The following NUP205 variants were observed in gnomAD, a reference collection of about 807,000 sequenced individuals.
NUP205 encodes nucleoporin 205.
Under a neutral mutation model 253.8 loss-of-function variants are expected in NUP205, and 76 were observed. The observed-to-expected ratio is 0.30, with a 90% CI of 0.25 to 0.36. NUP205 has a LOEUF of 0.36. Ranked by LOEUF, NUP205 falls within the 10% of genes least tolerant of loss-of-function variation. The pLI, the probability that NUP205 is intolerant of heterozygous loss-of-function variation, is 1.00. For missense variants in NUP205, 2,162 were observed against 2,425.5 expected (o/e 0.89, Z 2.28); for synonymous variants, 832 against 850.1 (o/e 0.98, Z 0.37).
intron 13 of NUP205, among the ~76,000 whole-genome samples, chr7:135,595,225 G>GTT (rs894929669): frequency 7.0e-6 from 1 of 142,968 alleles, no homozygotes; most frequent in Admixed American, 7.0e-5. Context: ...ACTGATTTTT[G>GTT]TTTTTTTTTT....
At chr7:135,614,379 T>C (rs1799941274) in intron 23 of NUP205, 106 bp downstream of exon 23, 1 of 642,498 alleles carries the variant, frequency 1.6e-6, no homozygotes, top group Non-Finnish European at 2.7e-6. Context: ...TCTGATACTT[T>C]GGCTTCTTTG....
rs184136114 is a variant in NUP205 at position 135,584,720 on chromosome 7, T to C, written c.1043-112T>C. 198 of 924,126 alleles carry C rather than the reference T, an allele frequency of 2.1e-4. No homozygotes were observed. The African/African-American group carries it at 3.0e-3, about 14-fold the overall frequency. 57.2% of individuals were successfully genotyped at this position (924,126 alleles called of 1,614,324 possible). A position where few individuals can be genotyped will look rare whatever the true frequency, so the allele number is the denominator to read the frequency against. ...ATAGTCTCATTTTGTGCATAGCACA[T>C]GCTAGAAGGCTGGGAAGATGTCTGA... On this transcript the variant is annotated intron_variant, in intron 7 of 42. Transcript: ENST00000285968.
intron 18 of NUP205, among the ~76,000 whole-genome samples, chr7:135,603,392 C>T (rs536194331): frequency 6.6e-6 from 1 of 151,114 alleles, no homozygotes; most frequent in East Asian, 2.0e-4. Flanking sequence ...GGATTATAGG[C>T]GTGAACCACC....
chr7:135,596,020 C>T (rs958259055), intron 13 of NUP205, among the ~76,000 whole-genome samples: 7 of 151,964 alleles, frequency 4.6e-5, no homozygotes, highest in Non-Finnish European at 8.8e-5. Flanking sequence ...CTGCAACCTC[C>T]ACCTCCTGGG....
At chr7:135,639,693 A>C (rs1794882624) in intron 38 of NUP205, among the ~76,000 whole-genome samples, 1 of 150,664 alleles carries the variant, frequency 6.6e-6, no homozygotes, top group Non-Finnish European at 1.5e-5. Context: ...TTTGTCTCAA[A>C]AAAAAAAAAA....
intron 1 of NUP205, among the ~76,000 whole-genome samples, chr7:135,562,446 C>T (rs144402009): frequency 8.0e-4 from 122 of 152,138 alleles, no homozygotes; most frequent in African/African-American, 2.9e-3. Context: ...GATTCACCTG[C>T]CTCGGCCTCC....
In NUP205 at chr7:135,587,872, A is replaced by G; in HGVS notation, c.1353A>G (p.Lys451=). 1 of 1,613,188 alleles carries G rather than the reference A, an allele frequency of 6.2e-7. No homozygotes were observed. Among genetic ancestry groups the G allele is most frequent in the Non-Finnish European group, 8.5e-7 (1 of 1,179,602 alleles). ...HLMLLIGELY[K]KNPFHLELAL... ...CTTTGCAGATTGGCGAGCTATATAAAAAGAACCCTTTTCATCTGGAGCTTG... is the reference window on the plus strand; with the variant it reads ...CTTTGCAGATTGGCGAGCTATATAAGAAGAACCCTTTTCATCTGGAGCTTG... The change falls in exon 10 of 43, where the codon AAA becomes AAG. Residue 451 remains lysine (K), a synonymous_variant. Transcript: ENST00000285968.
Position 135,635,616 on chromosome 7 carries a change from GGGT to G in NUP205, c.5096_5098del (p.Gly1699_Ser1700delinsAla). The stretch of plus-strand genomic sequence containing the variant: ...TGAACTTGACGTTGATGTAAATGAA[GGGT>G]CTCTAATGGAGCTACAGGGACATAT... On this transcript the variant is annotated inframe_deletion, in exon 36 of 43. Coordinates refer to ENST00000285968, the MANE Select transcript of NUP205 (RefSeq NM_015135.3). The G allele has an allele frequency of 6.3e-7, 1 of 1,595,754 alleles. No homozygotes were observed. The highest frequency in any genetic ancestry group is 8.6e-7 in the Non-Finnish European group (1 of 1,165,518).
intron 8 of NUP205, among the ~76,000 whole-genome samples, chr7:135,587,126 A>C (rs1418163044): frequency 6.6e-6 from 1 of 151,890 alleles, no homozygotes; most frequent in Non-Finnish European, 1.5e-5. Flanking sequence ...GTTGTGAAGC[A>C]GTGATTCTCA....
intron 31 of NUP205, among the ~76,000 whole-genome samples, chr7:135,624,400 A>G (rs551409641): frequency 6.6e-6 from 1 of 151,382 alleles, no homozygotes; most frequent in South Asian, 2.1e-4. Flanking sequence ...TTTTTGAGAC[A>G]GAGTCTCGCT....
chr7:135,586,240 C>G (rs1806460477), intron 8 of NUP205, among the ~76,000 whole-genome samples: 1 of 151,726 alleles, frequency 6.6e-6, no homozygotes, highest in Non-Finnish European at 1.5e-5. Context: ...CCTTAGGATT[C>G]TTGTATTATT....
chr7:135,604,223 T>C, intron 18 of NUP205, 117 bp from the exon 19 acceptor site: 3 of 778,238 alleles, frequency 3.9e-6, no homozygotes, highest in East Asian at 2.9e-5. Flanking sequence ...CTTTTTCTTA[T>C]TTACCTTGAA....
chr7:135,578,076 TG>T (rs761578771), intron 6 of NUP205, 52 bp downstream of exon 6: 9 of 1,335,530 alleles, frequency 6.7e-6, no homozygotes, highest in Non-Finnish European at 9.7e-6. Context: ...TTTAAAATTG[TG>T]GGGATAACAT....
chr7:135,586,405 T>C (rs1359821344), intron 8 of NUP205, among the ~76,000 whole-genome samples: 6 of 152,182 alleles, frequency 3.9e-5, no homozygotes, highest in Admixed American at 3.9e-4. Flanking sequence ...GATTTTCTTA[T>C]ATTTTGCTTC....
At position 135,619,514 on chromosome 7, in the gene NUP205, C is replaced by T; in HGVS notation, c.4055C>T (p.Thr1352Ile). The stretch of plus-strand genomic sequence containing the variant: ...GCTCACCTAAGCCAGGCCGTCCTCA[C>T]TGAACAGAAGGAAACATCAGTCTTG... ...LTAHLSQAVL[T>I]EQKETSVLGP... The change falls in exon 29 of 43, where the codon ACT becomes ATT. Residue 1352 changes from threonine (T) to isoleucine (I), a missense_variant. Thr to Ile is a moderately conservative substitution (Grantham distance 89). Around this residue, in one of 5 missense-constraint regions of NUP205, gnomAD observed 1,144 missense variants for 1,280.9 expected, o/e 0.89. Coordinates refer to ENST00000285968, the MANE Select transcript of NUP205 (RefSeq NM_015135.3). The T allele has an allele frequency of 6.2e-7, 1 of 1,614,132 alleles. No homozygotes were observed. Among genetic ancestry groups the T allele is most frequent in the South Asian group, 1.1e-5 (1 of 91,074 alleles).
In NUP205 at chr7:135,568,659, A is replaced by G. The variant is rs533763183; in HGVS notation, c.29-2446A>G. Among the ~76,000 whole-genome samples, 24 of 152,248 alleles carry G rather than the reference A, an allele frequency of 1.6e-4. No homozygotes were observed. In the South Asian group the frequency reaches 3.9e-3, roughly 25 times the overall value. The stretch of plus-strand genomic sequence containing the variant: ...GTATTTTATATAATACTTTTGTTCC[A>G]GTTTTGTATATACATGTGTACTGGG... On this transcript the variant is annotated intron_variant, in intron 1 of 42. Transcript: ENST00000285968.
At position 135,617,126 on chromosome 7, in the gene NUP205, A is replaced by T; in HGVS notation, c.3569A>T (p.Asp1190Val). The T allele has an allele frequency of 6.2e-7, 1 of 1,613,228 alleles. No homozygotes were observed. Among genetic ancestry groups the T allele is most frequent in the East Asian group, 2.2e-5 (1 of 44,840 alleles). Residue 1190 changes from aspartate to valine, a missense_variant, in exon 26 of 43, where the codon GAC (aspartate) becomes GTC (valine). Asp to Val is a radical substitution (Grantham distance 152). Transcript: ENST00000285968. ...ATTCTAAATATTCTTGACTCGATTG[A>T]CTTCAGTCAGGAGATCCCTGAGCCT... ...RKILNILDSI[D>V]FSQEIPEPLQ...
intron 22 of NUP205, among the ~76,000 whole-genome samples, chr7:135,612,549 G>A (rs952678070): frequency 6.6e-6 from 1 of 152,072 alleles, no homozygotes; most frequent in Non-Finnish European, 1.5e-5. Flanking sequence ...GCACAAAAAT[G>A]CAAAAAACGT....
At chr7:135,619,109 A>G (rs1340278117) in intron 28 of NUP205, among the ~76,000 whole-genome samples, 2 of 152,150 alleles carry the variant, frequency 1.3e-5, no homozygotes, top group African/African-American at 2.4e-5. Context: ...CATGCCTGCA[A>G]TCCCAGAACT....
Sources: allele counts gnomAD v4.1 joint callset (sites outside exome capture counted in the v4.1 genomes callset), GRCh38; gene constraint gnomAD v4.1.1; regional missense constraint gnomAD v4.1.1; transcripts MANE v1.5; gene names NCBI Gene and HGNC (gene_info 2026-07-23, HGNC 2026-07-21).